TAF1: variants seen among roughly 807,000 people sequenced by gnomAD.
TAF1 encodes the protein transcription initiation factor TFIID subunit 1.
A neutral mutation model predicts 138.5 loss-of-function variants in TAF1; 2 were observed. The observed-to-expected ratio is 0.01, with a 90% CI of 0.01 to 0.05. The LOEUF (loss-of-function observed/expected upper bound fraction) is 0.05. Among genes scored for constraint, TAF1 ranks in the 10% least tolerant of loss-of-function variants. The probability of loss-of-function intolerance (pLI) is 1.00; values close to 1 mark genes in which losing one functional copy is unlikely to be tolerated. For synonymous variants in TAF1, 437 were observed against 503.2 expected (o/e 0.87, Z 1.76); for missense variants, 709 against 1,478.0 (o/e 0.48, Z 8.53).
chrX:71,382,397 G>T (rs749207908), intron 9 of TAF1, 139 bp from the exon 10 acceptor site: 222 of 648,201 alleles, frequency 3.4e-4, no homozygotes, highest in Non-Finnish European at 4.6e-4. Flanking sequence ...GAAGTTACCT[G>T]GGGGGGGGTG....
intron 25 of TAF1, among the ~76,000 whole-genome samples, chrX:71,406,057 G>T (rs1164222417): frequency 9.1e-6 from 1 of 110,013 alleles, no homozygotes; most frequent in East Asian, 2.9e-4. Context: ...GGCTGGGTTC[G>T]ATGGCTCACA....
At chrX:71,384,643 C>T (rs775891755) in intron 13 of TAF1, among the ~76,000 whole-genome samples, 1 of 111,174 alleles carries the variant, frequency 9.0e-6, no homozygotes, top group South Asian at 3.8e-4. Flanking sequence ...CTCTTAACCT[C>T]GTGATCTGCC....
intron 20 of TAF1, 34 bp from the exon 21 acceptor site, chrX:71,393,267 T>C: frequency 8.5e-7 from 1 of 1,174,499 alleles, no homozygotes. Context: ...TGTGTGTGTA[T>C]ATTTATATTT....
At chrX:71,463,006 T>C (rs2038616355) in intron 37 of TAF1, among the ~76,000 whole-genome samples, 1 of 111,901 alleles carries the variant, frequency 8.9e-6, no homozygotes, top group African/African-American at 3.2e-5. Flanking sequence ...TGGAATACCA[T>C]GTAGCTATTA....
chrX:71,420,259 AT>A, intron 28 of TAF1: 1 of 968,917 alleles, frequency 1.0e-6, no homozygotes, highest in South Asian at 1.9e-5. Context: ...CTGTTGGTTC[AT>A]TTTGGGATCA....
At chrX:71,439,353 T>C (rs1259373318) in intron 32 of TAF1, among the ~76,000 whole-genome samples, 1 of 111,604 alleles carries the variant, frequency 9.0e-6, no homozygotes, top group Non-Finnish European at 1.9e-5. Flanking sequence ...GTCACTAAAG[T>C]TCACATTACA....
At chrX:71,483,151 CTTTTTTTTTT>C (rs35875629) in intron 13 of TAF1, among the ~76,000 whole-genome samples, 2 of 74,938 alleles carry the variant, frequency 2.7e-5, no homozygotes, top group African/African-American at 1.0e-4. Context: ...TTTTTCTTTT[CTTTTTTTTTT>C]TTTTTTTGTA....
At chrX:71,450,896 G>A (rs2037926470) in intron 32 of TAF1, among the ~76,000 whole-genome samples, 1 of 112,144 alleles carries the variant, frequency 8.9e-6, no homozygotes, top group South Asian at 3.7e-4. Context: ...AGACTTGGGA[G>A]GGACTTTGAT....
At chrX:71,515,108 A>C (rs191373945) in intron 13 of TAF1, among the ~76,000 whole-genome samples, 509 of 111,834 alleles carry the variant, frequency 4.6e-3, no homozygotes, top group African/African-American at 0.016. Flanking sequence ...GTGGAAAATT[A>C]GATTCAGGTA....
intron 25 of TAF1, 66 bp from the exon 26 acceptor site, chrX:71,406,572 G>T: frequency 1.9e-6 from 2 of 1,074,540 alleles, no homozygotes; most frequent in Non-Finnish European, 2.5e-6. Context: ...TTTAATTATA[G>T]TTGCTTTTTT....
At chrX:71,510,377 AT>A (rs2039709437) in intron 13 of TAF1, among the ~76,000 whole-genome samples, 1 of 111,036 alleles carries the variant, frequency 9.0e-6, no homozygotes, top group African/African-American at 3.3e-5. Flanking sequence ...CACTCCACAT[AT>A]CCACATAGAG....
At chrX:71,497,053 C>T (rs1042479245) in intron 13 of TAF1, among the ~76,000 whole-genome samples, 5 of 112,068 alleles carry the variant, frequency 4.5e-5, no homozygotes, top group African/African-American at 6.5e-5. Flanking sequence ...TTCTAAGGCT[C>T]GGGTAAGTGC....
At chrX:71,370,824 C>T (rs1011768758) in intron 3 of TAF1, among the ~76,000 whole-genome samples, 2 of 111,996 alleles carry the variant, frequency 1.8e-5, no homozygotes, top group African/African-American at 6.5e-5. Flanking sequence ...AACTGTGTTG[C>T]ATATACAAAA....
At chrX:71,412,390 A>C (rs2035843430) in intron 28 of TAF1, among the ~76,000 whole-genome samples, 1 of 110,616 alleles carries the variant, frequency 9.0e-6, no homozygotes, top group Non-Finnish European at 1.9e-5. Flanking sequence ...TGGCCTCCCA[A>C]AGTGCTGGGA....
chrX:71,473,563 A>G (rs2038927704), intron 13 of TAF1, among the ~76,000 whole-genome samples: 1 of 109,733 alleles, frequency 9.1e-6, no homozygotes, highest in South Asian at 4.0e-4. Flanking sequence ...CTCTAGTCCT[A>G]GCTACTTGGG....
intron 8 of TAF1, among the ~76,000 whole-genome samples, chrX:71,380,943 G>A (rs1355062806): frequency 8.9e-6 from 1 of 111,923 alleles, no homozygotes; most frequent in Admixed American, 9.5e-5. Context: ...TGCCTGCCTT[G>A]GTCTCCCAAA....
chrX:71,478,485 C>T (rs1187953407), intron 13 of TAF1, among the ~76,000 whole-genome samples: 5 of 110,676 alleles, frequency 4.5e-5, no homozygotes, highest in Non-Finnish European at 9.4e-5. Flanking sequence ...CATACCACTG[C>T]ACTCCTCCAG....
chrX:71,372,805 A>G (rs1049158633), intron 3 of TAF1, among the ~76,000 whole-genome samples: 4 of 112,122 alleles, frequency 3.6e-5, no homozygotes, highest in African/African-American at 9.7e-5. Flanking sequence ...GATTATACAT[A>G]AAACAGCTAG....
At chrX:71,520,329 A>G (rs1016083996) in intron 13 of TAF1, among the ~76,000 whole-genome samples, 6 of 109,215 alleles carry the variant, frequency 5.5e-5, no homozygotes, top group Non-Finnish European at 1.1e-4. Context: ...AACTGAAGGC[A>G]TTTTAAAGAA....
Sources: gnomAD v4.1 joint callset for allele counts (sites outside exome capture counted in the v4.1 genomes callset) on GRCh38, gnomAD v4.1.1 for gene constraint, MANE v1.5 for transcripts, NCBI Gene and HGNC (gene_info 2026-07-23, HGNC 2026-07-21) for gene names.